Variants in ULK2 observed in about 807,000 individuals in gnomAD.
ULK2 encodes serine/threonine-protein kinase ULK2.
A neutral mutation model predicts 127.5 loss-of-function variants in ULK2; 76 were observed. That is an observed-to-expected ratio of 0.60 (90% CI 0.50 to 0.72). The LOEUF (loss-of-function observed/expected upper bound fraction) is 0.72, where lower values mean the gene tolerates loss of function less well. Among genes scored for constraint, ULK2 ranks in the 30% least tolerant of loss-of-function variants. ULK2 has a pLI of 0.00. For synonymous variants in ULK2, 452 were observed against 461.9 expected (o/e 0.98, Z 0.28); for missense variants, 1,144 against 1,295.9 (o/e 0.88, Z 1.80).
intron 3 of ULK2, among the ~76,000 whole-genome samples, chr17:19,864,551 T>C (rs1431100845): frequency 6.6e-6 from 1 of 152,184 alleles, no homozygotes; most frequent in Non-Finnish European, 1.5e-5. Flanking sequence ...AACAGTCCTC[T>C]ACTTCACCTA....
chr17:19,781,809 G>A (rs1413204580), intron 23 of ULK2, 80 bp downstream of exon 23: 3 of 1,462,736 alleles, frequency 2.1e-6, no homozygotes, highest in African/African-American at 2.8e-5. Flanking sequence ...GATCTTCAGT[G>A]GATGACAATA....
At chr17:19,856,490 G>A (rs1449175109) in intron 3 of ULK2, among the ~76,000 whole-genome samples, 1 of 151,830 alleles carries the variant, frequency 6.6e-6, no homozygotes, top group Admixed American at 6.6e-5. Flanking sequence ...GCTAAGGCAG[G>A]AGAATGAGGG....
At chr17:19,797,191 G>A (rs2087289866) in intron 18 of ULK2, among the ~76,000 whole-genome samples, 1 of 152,162 alleles carries the variant, frequency 6.6e-6, no homozygotes, top group Non-Finnish European at 1.5e-5. Flanking sequence ...CAGCTACTCG[G>A]GAGGCTGAGG....
chr17:19,789,017 T>C (rs1332413751), intron 20 of ULK2, among the ~76,000 whole-genome samples: 2 of 152,214 alleles, frequency 1.3e-5, no homozygotes, highest in Non-Finnish European at 2.9e-5. Flanking sequence ...GGGTACTTGT[T>C]GCCCTGAAAG....
At chr17:19,825,597 C>A (rs1343189156) in intron 11 of ULK2, among the ~76,000 whole-genome samples, 6 of 151,966 alleles carry the variant, frequency 3.9e-5, no homozygotes, top group Non-Finnish European at 7.4e-5. Context: ...GTAATCCCAG[C>A]TACTCCAGAG....
rs149338537 is a variant in ULK2, at chr17:19,810,406, C to T, written c.1129G>A (p.Ala377Thr). 45 of 1,607,034 alleles carry T rather than the reference C, an allele frequency of 2.8e-5. No individual in the cohort carries two copies. The highest frequency in any genetic ancestry group is 3.5e-5 in the Non-Finnish European group (41 of 1,174,992). ...CCACACACCAAGAATTCATTTGAAG[C>T]ACGTCTGCCAGCAGTCCCCACTGGC... is the stretch of plus-strand genomic sequence containing the variant. ...DMPVGTAGRRASNEFLVCGGQ... is the reference protein window; with the variant it reads ...DMPVGTAGRRTSNEFLVCGGQ... Residue 377 changes from alanine to threonine, a missense_variant, in exon 14 of 27, where the codon GCT becomes ACT. This residue lies in a region of ULK2 where 913 missense variants were observed against 970.5 expected (regional missense o/e 0.94). Transcript: ENST00000395544.
Position 19,855,720 on chromosome 17 carries a change from T to C in ULK2, c.226-5946A>G, listed in dbSNP as rs553096236. Reference sequence around the variant, plus strand: ...AAGAGCTATCAACTCTGATTCCCTCTTGTTTACCTCCTACAGTCCAAGTGC... The same window carrying C: ...AAGAGCTATCAACTCTGATTCCCTCCTGTTTACCTCCTACAGTCCAAGTGC... On this transcript the variant is annotated intron_variant, in intron 3 of 26. Coordinates refer to ENST00000395544, the MANE Select transcript of ULK2 (RefSeq NM_014683.4). 100 of 152,366 alleles carry C rather than the reference T, an allele frequency of 6.6e-4. 1 individual carries two copies. Among genetic ancestry groups the C allele is most frequent in the African/African-American group, 2.4e-3 (99 of 41,568 alleles). 9.4% of individuals were successfully genotyped at this position (152,366 alleles called of 1,614,324 possible). A position where few individuals can be genotyped will look rare whatever the true frequency, so the allele number is the denominator to read the frequency against.
chr17:19,777,699 C>T lies in ULK2; in HGVS notation c.2934G>A (p.Leu978=). The T allele has an allele frequency of 6.2e-7, 1 of 1,611,806 alleles. No homozygotes were observed. The highest frequency in any genetic ancestry group is 8.5e-7 in the Non-Finnish European group (1 of 1,179,444). Residue 978 remains leucine, a synonymous_variant, in exon 26 of 27, where the codon CTG becomes CTA. Coordinates refer to ENST00000395544, the MANE Select transcript of ULK2 (RefSeq NM_014683.4). ...CAVEMVQSAA[L]DEMFQQTEDI... is the part of the protein sequence containing the mutation. ...CTTCGGTCTGCTGAAACATCTCATC[C>T]AGGGCTGCAGACTGAACCTGGAACC... is the stretch of plus-strand genomic sequence containing the variant.
chr17:19,840,740 T>C (rs1050931395), intron 9 of ULK2, among the ~76,000 whole-genome samples: 4 of 148,096 alleles, frequency 2.7e-5, no homozygotes, highest in African/African-American at 2.5e-5. Context: ...AATACAAAAA[T>C]TAGAGGGGCG....
intron 10 of ULK2, among the ~76,000 whole-genome samples, chr17:19,837,589 T>G (rs1295905133): frequency 6.6e-6 from 1 of 152,188 alleles, no homozygotes; most frequent in African/African-American, 2.4e-5. Context: ...CTTGTCCCCA[T>G]AGCCTGCTCT....
At position 19,797,599 on chromosome 17, in the gene ULK2, A is replaced by G; in HGVS notation, c.1606T>C (p.Tyr536His). The G allele has an allele frequency of 6.2e-7, 1 of 1,613,718 alleles. No individual in the cohort carries two copies. Among genetic ancestry groups the G allele is most frequent in the Non-Finnish European group, 8.5e-7 (1 of 1,179,936 alleles). ...TTTCTGAGCTTCTGCTTGTTCTGAT[A>G]GATGTCAGTGAGGGTGGGGGCGCTC... ...LQSAPTLTDI[Y>H]QNKQKLRKQH... Residue 536 changes from tyrosine (Y) to histidine (H), a missense_variant, in exon 18 of 27, where the codon TAT becomes CAT. This residue lies in a region of ULK2 where 913 missense variants were observed against 970.5 expected (regional missense o/e 0.94). Coordinates refer to ENST00000395544, the MANE Select transcript of ULK2 (RefSeq NM_014683.4).
intron 13 of ULK2, among the ~76,000 whole-genome samples, chr17:19,814,795 C>T (rs774303501): frequency 6.6e-6 from 1 of 152,114 alleles, no homozygotes; most frequent in Non-Finnish European, 1.5e-5. Context: ...ATCCTTCCTC[C>T]TCAGCCTCCC....
intron 25 of ULK2, among the ~76,000 whole-genome samples, chr17:19,779,390 G>C (rs1021877631): frequency 1.6e-4 from 24 of 151,902 alleles, no homozygotes; most frequent in African/African-American, 5.8e-4. Context: ...AAATTAGCTG[G>C]GTGTGGTGGC....
chr17:19,781,196 C>T, intron 23 of ULK2, 92 bp from the exon 24 acceptor site: 1 of 856,260 alleles, frequency 1.2e-6, no homozygotes, highest in Non-Finnish European at 1.8e-6. Context: ...AATTGCCTTT[C>T]TATAAAGGAA....
chr17:19,846,738 T>C lies in ULK2; in HGVS notation c.468A>G (p.Ile156Met), dbSNP rs2041892997. 6.2e-7 allele frequency: 1 copy of C among 1,601,230 alleles called. No homozygotes were observed. Among genetic ancestry groups the C allele is most frequent in the Non-Finnish European group, 8.5e-7 (1 of 1,174,316 alleles). Reference sequence around the variant, plus strand: ...ATGACACAATACATGGCCATTTACCTATTTTGATGCGAATACCACTGACAC... The same window carrying C: ...ATGACACAATACATGGCCATTTACCCATTTTGATGCGAATACCACTGACAC... ...KSSVSGIRIK[I>M]ADFGFARYLH... Residue 156 changes from isoleucine to methionine, a missense_variant and splice_region_variant, in exon 6 of 27, where the codon ATA becomes ATG. Around this residue, in one of 2 missense-constraint regions of ULK2, gnomAD observed 231 missense variants for 325.4 expected, o/e 0.71. Transcript: ENST00000395544.
intron 3 of ULK2, among the ~76,000 whole-genome samples, chr17:19,858,079 C>T (rs781141764): frequency 6.3e-4 from 96 of 152,062 alleles, no homozygotes; most frequent in Admixed American, 3.9e-4. Context: ...AAGAGCTCTC[C>T]CTTACAGCAC....
intron 3 of ULK2, among the ~76,000 whole-genome samples, chr17:19,859,579 G>A (rs1381068964): frequency 1.3e-5 from 2 of 152,072 alleles, no homozygotes; most frequent in African/African-American, 2.4e-5. Context: ...TATTCTACAG[G>A]AACACTATAA....
At chr17:19,788,890 T>C (rs902991355) in intron 20 of ULK2, among the ~76,000 whole-genome samples, 7 of 152,196 alleles carry the variant, frequency 4.6e-5, no homozygotes, top group African/African-American at 1.2e-4. Flanking sequence ...AAGGACTTTG[T>C]CTTGCGGTTT....
rs564898043 is a variant in ULK2, at chr17:19,775,632, T to G, written c.*717A>C. 8 of 152,444 alleles carry G rather than the reference T, an allele frequency of 5.2e-5. No individual in the cohort carries two copies. The South Asian group carries it at 1.7e-3, about 32-fold the overall frequency. 9.4% of individuals were successfully genotyped at this position (152,444 alleles called of 1,614,324 possible). ...AAGTTTTAACCACTTAAAAGTTCAC[T>G]GGAGATTACATGTGAATTCTGGAAA... On this transcript the variant is annotated 3_prime_UTR_variant, in exon 27 of 27. Coordinates refer to ENST00000395544, the MANE Select transcript of ULK2 (RefSeq NM_014683.4).
Sources: gnomAD v4.1 joint callset for allele counts (sites outside exome capture counted in the v4.1 genomes callset) on GRCh38, gnomAD v4.1.1 for gene constraint, gnomAD v4.1.1 regional missense constraint, MANE v1.5 for transcripts, NCBI Gene and HGNC (gene_info 2026-07-23, HGNC 2026-07-21) for gene names.